The following BCR variants were observed in gnomAD, a reference collection of about 807,000 sequenced individuals.
BCR encodes breakpoint cluster region protein.
BCR carries 58 observed loss-of-function variants against 138.6 expected under a neutral mutation model. That is an observed-to-expected ratio of 0.42 (90% CI 0.34 to 0.52). The LOEUF (loss-of-function observed/expected upper bound fraction) is 0.52, where lower values mean the gene tolerates loss of function less well. BCR is among the 20% of genes least tolerant of loss of function. The pLI is 0.06. For synonymous variants in BCR, 786 were observed against 730.1 expected (o/e 1.08, Z -1.23); for missense variants, 1,599 against 1,727.2 (o/e 0.93, Z 1.32).
chr22:23,314,573 C>T lies in BCR; in HGVS notation c.3585C>T (p.Val1195=), dbSNP rs755432575. The T allele has an allele frequency of 2.5e-6, 4 of 1,611,890 alleles. No individual in the cohort carries two copies. Among genetic ancestry groups the T allele is most frequent in the African/African-American group, 1.3e-5 (1 of 74,872 alleles). ...HLKRVAEKEA[V]NKMSLHNLAT... ...ACAGGGTGGCAGAGAAGGAGGCAGT[C>T]AATAAGATGTCCCTGCACAACCTCG... Residue 1195 remains valine, a synonymous_variant, in exon 22 of 23, where the codon GTC becomes GTT. Transcript: ENST00000305877.
At chr22:23,243,215 GGGGCCC>G (rs1335157551) in intron 1 of BCR, among the ~76,000 whole-genome samples, 1 of 152,122 alleles carries the variant, frequency 6.6e-6, no homozygotes, top group Non-Finnish European at 1.5e-5. Context: ...TGATGCTTGA[GGGGCCC>G]CTAGATAGCT....
chr22:23,242,106 G>T (rs2073099942), intron 1 of BCR, among the ~76,000 whole-genome samples: 1 of 152,172 alleles, frequency 6.6e-6, no homozygotes, highest in Non-Finnish European at 1.5e-5. Flanking sequence ...AGTTTTACAG[G>T]TGCATGGGAA....
intron 19 of BCR, chr22:23,312,633 C>T: frequency 1.8e-6 from 1 of 543,600 alleles, no homozygotes; most frequent in East Asian, 3.2e-5. Flanking sequence ...TGTGTCCTGC[C>T]ACGCTGGCCT....
chr22:23,264,228 G>A, intron 4 of BCR: 2 of 1,059,906 alleles, frequency 1.9e-6, no homozygotes, highest in Non-Finnish European at 3.0e-6. Context: ...GCACCAAAGG[G>A]CCTGCCCGCA....
chr22:23,284,222 A>G (rs1184245377), intron 9 of BCR, 124 bp downstream of exon 9: 7 of 1,384,696 alleles, frequency 5.1e-6, no homozygotes, highest in Non-Finnish European at 6.8e-6. Context: ...CTACTTGGGC[A>G]CAATGCCAGG....
chr22:23,193,404 C>T (rs1330719408), intron 1 of BCR, among the ~76,000 whole-genome samples: 1 of 152,254 alleles, frequency 6.6e-6, no homozygotes, highest in East Asian at 1.9e-4. Flanking sequence ...CGGGTGCAGA[C>T]CATCTGGCCT....
intron 15 of BCR, among the ~76,000 whole-genome samples, chr22:23,293,786 T>C (rs1339463556): frequency 6.6e-6 from 1 of 152,136 alleles, no homozygotes; most frequent in Non-Finnish European, 1.5e-5. Context: ...GACACTCACA[T>C]GTTCCTGGCG....
intron 1 of BCR, among the ~76,000 whole-genome samples, chr22:23,253,257 A>G (rs2073252263): frequency 6.6e-6 from 1 of 152,214 alleles, no homozygotes; most frequent in African/African-American, 2.4e-5. Flanking sequence ...CCTTTTGGAC[A>G]GCCCTCATTG....
chr22:23,271,195 G>A (rs2073505636), intron 5 of BCR, among the ~76,000 whole-genome samples: 1 of 152,242 alleles, frequency 6.6e-6, no homozygotes, highest in South Asian at 2.1e-4. Context: ...AAAACAGCAG[G>A]AAGGCAGACG....
chr22:23,219,536 G>A lies in BCR; in HGVS notation c.1280-34263G>A, dbSNP rs554824827. Among the ~76,000 whole-genome samples, 17 of 152,186 alleles carry A rather than the reference G, an allele frequency of 1.1e-4. No homozygotes were observed. In the South Asian group the frequency reaches 2.3e-3, roughly 20 times the overall value. ...GATTCATCCTCACAGGGACCTGACC[G>A]CTGTTCCCTTCTCACAAACCTCTGA... On this transcript the variant is annotated intron_variant, in intron 1 of 22. Transcript: ENST00000305877.
chr22:23,269,626 G>T (rs567819342), intron 5 of BCR, among the ~76,000 whole-genome samples: 1 of 152,176 alleles, frequency 6.6e-6, no homozygotes, highest in African/African-American at 2.4e-5. Flanking sequence ...ACCCTGCTCC[G>T]CCAGGTGCTG....
intron 1 of BCR, among the ~76,000 whole-genome samples, chr22:23,236,393 TG>T: frequency 6.6e-6 from 1 of 152,328 alleles, no homozygotes; most frequent in East Asian, 1.9e-4. Context: ...GAGACCTCTT[TG>T]GAAGGGGCTC....
chr22:23,204,713 G>A (rs2267014), intron 1 of BCR, among the ~76,000 whole-genome samples: 13,159 of 152,262 alleles, frequency 0.086, 1,278 homozygotes, highest in East Asian at 0.53. Flanking sequence ...CACCAGGACT[G>A]GAACAGATTT....
At chr22:23,206,810 T>C (rs1198133345) in intron 1 of BCR, among the ~76,000 whole-genome samples, 3 of 148,420 alleles carry the variant, frequency 2.0e-5, no homozygotes, top group Non-Finnish European at 4.4e-5. Flanking sequence ...TCATCATCAA[T>C]CCAAGATCCA....
intron 1 of BCR, among the ~76,000 whole-genome samples, chr22:23,223,080 G>T (rs2072845253): frequency 6.6e-6 from 1 of 152,176 alleles, no homozygotes; most frequent in South Asian, 2.1e-4. Flanking sequence ...TCATTCATGA[G>T]GGTTCCACCC....
At chr22:23,309,349 G>A (rs936825237) in intron 16 of BCR, 75 bp from the exon 17 acceptor site, 28 of 1,136,234 alleles carry the variant, frequency 2.5e-5, no homozygotes, top group African/African-American at 1.1e-4. Context: ...GGGAAGTGGC[G>A]GGTGTGGGCT....
chr22:23,316,100 C>T lies in BCR; in HGVS notation c.*578C>T. The stretch of plus-strand genomic sequence containing the variant: ...TCCATTCTTGGCTTTCTTTTTCTTT[C>T]CAGAAGGATTTTTGTGCAGAAATGG... On this transcript the variant is annotated 3_prime_UTR_variant, in exon 23 of 23. Coordinates refer to ENST00000305877, the MANE Select transcript of BCR (RefSeq NM_004327.4). 1 of 169,350 alleles carries T rather than the reference C, an allele frequency of 5.9e-6. No individual in the cohort carries two copies. The highest frequency in any genetic ancestry group is 1.1e-5 in the Non-Finnish European group (1 of 93,290). The allele number at this position is 169,350 out of a possible 1,614,324, so 10.5% of individuals were successfully genotyped here.
intron 1 of BCR, among the ~76,000 whole-genome samples, chr22:23,212,680 C>T (rs77395081): frequency 0.031 from 4,673 of 152,270 alleles, 263 homozygotes; most frequent in African/African-American, 0.11. Context: ...ATTGTGCCTA[C>T]CCCAGAGCGT....
chr22:23,233,804 GAAAA>G (rs1190794427), intron 1 of BCR, among the ~76,000 whole-genome samples: 3 of 87,888 alleles, frequency 3.4e-5, no homozygotes, highest in African/African-American at 5.1e-5. Context: ...AAAAAAAAAA[GAAAA>G]AAAAGAAAAA....
Sources: gnomAD v4.1 joint callset for allele counts (sites outside exome capture counted in the v4.1 genomes callset) on GRCh38, gnomAD v4.1.1 for gene constraint, MANE v1.5 for transcripts, NCBI Gene and HGNC (gene_info 2026-07-23, HGNC 2026-07-21) for gene names.